IQSEC1: variants seen among roughly 807,000 people sequenced by gnomAD.
IQSEC1 encodes the protein IQ motif and SEC7 domain-containing protein 1.
Under a neutral mutation model 91.0 loss-of-function variants are expected in IQSEC1, and 31 were observed. That is an observed-to-expected ratio of 0.34 (90% confidence interval 0.26 to 0.46). The LOEUF (loss-of-function observed/expected upper bound fraction) is 0.46. Among genes scored for constraint, IQSEC1 ranks in the 20% least tolerant of loss-of-function variants. IQSEC1 has a pLI of 1.00. For missense variants in IQSEC1, 1,388 were observed against 1,575.6 expected (o/e 0.88, Z 2.02); for synonymous variants, 699 against 662.6 (o/e 1.05, Z -0.84).
At chr3:13,240,801 C>T (rs989859582) in intron 1 of IQSEC1, among the ~76,000 whole-genome samples, 6 of 152,152 alleles carry the variant, frequency 3.9e-5, no homozygotes, top group African/African-American at 1.2e-4. Context: ...GGCAGAGTTG[C>T]GGCAGGCAGA....
At chr3:12,917,302 T>C (rs1406890385) in intron 6 of IQSEC1, among the ~76,000 whole-genome samples, 1 of 152,232 alleles carries the variant, frequency 6.6e-6, no homozygotes, top group Non-Finnish European at 1.5e-5. Context: ...GCTGTGATTC[T>C]GTGGGTTTGG....
intron 2 of IQSEC1, among the ~76,000 whole-genome samples, chr3:13,150,022 G>A (rs1482570068): frequency 6.6e-6 from 1 of 152,168 alleles, no homozygotes; most frequent in Non-Finnish European, 1.5e-5. Flanking sequence ...AGGGAGAGTG[G>A]GAGGAGGGAG....
intron 6 of IQSEC1, among the ~76,000 whole-genome samples, chr3:12,919,978 G>C (rs1036230440): frequency 6.6e-6 from 1 of 152,258 alleles, no homozygotes; most frequent in African/African-American, 2.4e-5. Context: ...CACTGGGCTA[G>C]AACTCAGCAG....
chr3:13,016,042 C>T (rs1230654026), intron 1 of IQSEC1, among the ~76,000 whole-genome samples: 2 of 152,320 alleles, frequency 1.3e-5, no homozygotes, highest in African/African-American at 2.4e-5. Flanking sequence ...TGACAGGGGT[C>T]CCTGGAGAGA....
At chr3:13,206,024 A>T (rs1314356008) in intron 1 of IQSEC1, among the ~76,000 whole-genome samples, 1 of 138,976 alleles carries the variant, frequency 7.2e-6, no homozygotes, top group East Asian at 2.2e-4. Flanking sequence ...CCACCCATCC[A>T]TCCCCCATCC....
chr3:13,115,391 T>C (rs1706317889), intron 2 of IQSEC1, among the ~76,000 whole-genome samples: 1 of 152,220 alleles, frequency 6.6e-6, no homozygotes, highest in Non-Finnish European at 1.5e-5. Context: ...TGTGTCCCTC[T>C]GGGGTCTGGG....
chr3:13,277,032 G>A (rs1267442041), intron 1 of IQSEC1, among the ~76,000 whole-genome samples: 3 of 143,620 alleles, frequency 2.1e-5, no homozygotes, highest in East Asian at 2.1e-4. Context: ...CTGCTCTGTG[G>A]CAATTATACG....
At chr3:13,189,217 C>G (rs1397230640) in intron 1 of IQSEC1, among the ~76,000 whole-genome samples, 2 of 152,218 alleles carry the variant, frequency 1.3e-5, no homozygotes, top group African/African-American at 4.8e-5. Flanking sequence ...CTTCCTGTGC[C>G]CATGACATTG....
chr3:12,951,197 T>C (rs1699520663), intron 1 of IQSEC1, among the ~76,000 whole-genome samples: 1 of 152,220 alleles, frequency 6.6e-6, no homozygotes, highest in Admixed American at 6.5e-5. Context: ...CCAAGGAGGA[T>C]GGATCACCTG....
chr3:13,221,510 C>T (rs1057115095), intron 1 of IQSEC1, among the ~76,000 whole-genome samples: 4 of 152,226 alleles, frequency 2.6e-5, no homozygotes, highest in Non-Finnish European at 5.9e-5. Flanking sequence ...GGACTCCCAC[C>T]CCAACTGCCT....
intron 1 of IQSEC1, among the ~76,000 whole-genome samples, chr3:12,975,601 C>G (rs771707498): frequency 9.9e-5 from 15 of 152,164 alleles, no homozygotes; most frequent in Non-Finnish European, 1.6e-4. Flanking sequence ...ATGAACTTAA[C>G]CATGAAGCTC....
intron 1 of IQSEC1, among the ~76,000 whole-genome samples, chr3:13,243,696 A>C (rs979109734): frequency 6.6e-6 from 1 of 151,188 alleles, no homozygotes; most frequent in Non-Finnish European, 1.5e-5. Context: ...CTTCCTCTTC[A>C]CTGTCTGGAG....
chr3:12,941,316 C>G (rs972403479), intron 2 of IQSEC1, among the ~76,000 whole-genome samples: 1 of 152,230 alleles, frequency 6.6e-6, no homozygotes, highest in African/African-American at 2.4e-5. Flanking sequence ...GAAGACAACT[C>G]TCTAGAAGTC....
intron 1 of IQSEC1, among the ~76,000 whole-genome samples, chr3:13,218,084 G>T (rs903996092): frequency 2.0e-5 from 3 of 152,200 alleles, no homozygotes; most frequent in Non-Finnish European, 4.4e-5. Context: ...GGCAGCTCCG[G>T]CATTCTAGGA....
intron 1 of IQSEC1, among the ~76,000 whole-genome samples, chr3:12,990,704 G>C (rs1254516581): frequency 6.6e-6 from 1 of 152,146 alleles, no homozygotes; most frequent in Non-Finnish European, 1.5e-5. Flanking sequence ...TAAACTGCTG[G>C]GGCTCTGGGG....
chr3:12,924,582 C>T lies in IQSEC1; in HGVS notation c.1729G>A (p.Asp577Asn), dbSNP rs759941371. The part of the protein sequence containing the change: ...RQKQFNRDVL[D>N]CVVDEMDFST... Reference sequence around the variant, plus strand: ...CCACCACCCCCATGCAGAACTTACTCGAGCACGTCACGGTTGAACTGCTTC... The same window carrying T: ...CCACCACCCCCATGCAGAACTTACTTGAGCACGTCACGGTTGAACTGCTTC... Residue 577 changes from aspartate to asparagine, a missense_variant and splice_region_variant, in exon 4 of 14, where the codon GAC becomes AAC. Around this residue, in one of 2 missense-constraint regions of IQSEC1, gnomAD observed 1,059 missense variants for 1,317.8 expected, o/e 0.80. Transcript: ENST00000613206. The surrounding 1 kb of genome is among the most constrained non-coding windows in gnomAD (Gnocchi z 6.3). 7 of 1,593,864 alleles carry T rather than the reference C, an allele frequency of 4.4e-6. No individual in the cohort carries two copies. The highest frequency in any genetic ancestry group is 4.0e-5 in the African/African-American group (3 of 74,488).
rs1559594094 is a variant in IQSEC1 at position 12,900,851 on chromosome 3, TGGGCCGTGAG to T, written c.*122_*131del. The T allele has an allele frequency of 6.6e-7, 1 of 1,524,730 alleles. No individual in the cohort carries two copies. The highest frequency in any genetic ancestry group is 1.2e-5 in the South Asian group (1 of 82,054). 94.5% of individuals were successfully genotyped at this position (1,524,730 alleles called of 1,614,324 possible). ...CCCTGTGGGCTCCTGGGGCTCCGGT[TGGGCCGTGAG>T]GGGCAGAGGGGAGAGATGGCAACAG... On this transcript the variant is annotated 3_prime_UTR_variant, in exon 14 of 14. Transcript: ENST00000613206.
At chr3:12,932,860 G>A (rs538182870) in intron 3 of IQSEC1, among the ~76,000 whole-genome samples, 7 of 152,328 alleles carry the variant, frequency 4.6e-5, no homozygotes, top group Non-Finnish European at 8.8e-5. Context: ...GGGAGTAAGC[G>A]GCAGATGCCC....
At chr3:13,242,496 G>A (rs1175047731) in intron 1 of IQSEC1, among the ~76,000 whole-genome samples, 1 of 152,216 alleles carries the variant, frequency 6.6e-6, no homozygotes, top group Non-Finnish European at 1.5e-5. Context: ...GCCACAGCTG[G>A]CTCCATTAGC....
Sources: allele counts gnomAD v4.1 joint callset (sites outside exome capture counted in the v4.1 genomes callset), GRCh38; gene constraint gnomAD v4.1.1; regional missense constraint gnomAD v4.1.1; non-coding constraint Gnocchi (gnomAD v3.1); transcripts MANE v1.5; gene names NCBI Gene and HGNC (gene_info 2026-07-23, HGNC 2026-07-21).